DOCK6: variants seen among roughly 807,000 people sequenced by gnomAD.
DOCK6 encodes the protein dedicator of cytokinesis 6.
Under a neutral mutation model 230.3 loss-of-function variants are expected in DOCK6, and 167 were observed. The observed-to-expected ratio is 0.73, with a 90% CI of 0.64 to 0.82. DOCK6 has a LOEUF of 0.82. DOCK6 is among the 40% of genes least tolerant of loss of function. The pLI, the probability that DOCK6 is intolerant of heterozygous loss-of-function variation, is 0.00. For missense variants in DOCK6, 2,598 were observed against 2,825.8 expected (o/e 0.92, Z 1.83); for synonymous variants, 1,148 against 1,185.0 (o/e 0.97, Z 0.64).
In DOCK6 at chr19:11,204,200, C is replaced by CTGG; in HGVS notation, c.5217_5219dup (p.His1739dup). The CTGG allele has an allele frequency of 1.3e-6, 2 of 1,552,942 alleles. No individual in the cohort carries two copies. The highest frequency in any genetic ancestry group is 1.7e-6 in the Non-Finnish European group (2 of 1,147,174). On this transcript the variant is annotated inframe_insertion and splice_region_variant, in exon 40 of 48. Coordinates refer to ENST00000294618, the MANE Select transcript of DOCK6 (RefSeq NM_020812.4). ...TCTGGGGAGGGGGTCCTGGGCCCAC[C>CTGG]TGGTGCATGATCTTGGTGAAGGCCT...
chr19:11,217,651 G>A (rs369018331), intron 28 of DOCK6, among the ~76,000 whole-genome samples: 11 of 150,936 alleles, frequency 7.3e-5, no homozygotes, highest in Admixed American at 2.6e-4. Context: ...CCAGCTACTC[G>A]GGAGGCTGTG....
chr19:11,215,857 T>A lies in DOCK6; in HGVS notation c.3965A>T (p.Glu1322Val). ...KKSLDMKARL[E>V]EAILGTIGAR... The stretch of plus-strand genomic sequence containing the variant: ...TCCGATGGTACCCAGAATGGCTTCC[T>A]CTAGCCGCGCCTTCATATCCAGAGA... Residue 1322 changes from glutamate to valine, a missense_variant, in exon 31 of 48, where the codon GAG becomes GTG. Glu to Val is a moderately radical substitution (Grantham distance 121). Coordinates refer to ENST00000294618, the MANE Select transcript of DOCK6 (RefSeq NM_020812.4). 1 of 1,613,950 alleles carries A rather than the reference T, an allele frequency of 6.2e-7. No individual in the cohort carries two copies.
rs1013737666 is a variant in DOCK6, at chr19:11,227,426, G to C, written c.2866C>G (p.Arg956Gly). 1 of 1,612,386 alleles carries C rather than the reference G, an allele frequency of 6.2e-7. No homozygotes were observed. Among genetic ancestry groups the C allele is most frequent in the Non-Finnish European group, 8.5e-7 (1 of 1,179,334 alleles). ...LLLGQRLDTP[R>G]KLRFPGRFLD... The stretch of plus-strand genomic sequence containing the variant: ...AAGCGTCCGGGGAAGCGCAGCTTGC[G>C]GGGTGTGTCTAGTCGCTGGCCAAGC... The change falls in exon 24 of 48, where the codon CGC becomes GGC. Residue 956 changes from arginine to glycine, a missense_variant. Physicochemically the swap from Arg to Gly is moderately radical, Grantham distance 125. Coordinates refer to ENST00000294618, the MANE Select transcript of DOCK6 (RefSeq NM_020812.4).
At position 11,202,912 on chromosome 19, in the gene DOCK6, G is replaced by A. The variant is rs923063572; in HGVS notation, c.5236-203C>T. The stretch of plus-strand genomic sequence containing the variant: ...GACTGGGGCTGTATTGTTTACGGGT[G>A]TGTCCCTAATGCCCGTGGGACAGGG... On this transcript the variant is annotated intron_variant, in intron 41 of 47. Coordinates refer to ENST00000294618, the MANE Select transcript of DOCK6 (RefSeq NM_020812.4). This position sits in a 1 kb window ranked among gnomAD's most constrained non-coding sequence, Gnocchi z 5.3. Among the ~76,000 whole-genome samples the A allele has an allele frequency of 6.6e-6, 1 of 152,142 alleles. No homozygotes were observed. Among genetic ancestry groups the A allele is most frequent in the Non-Finnish European group, 1.5e-5 (1 of 68,018 alleles).
rs1600882689 is a variant in DOCK6 at position 11,218,873 on chromosome 19, ACTT to A, written c.3551-1485_3551-1483del. Among the ~76,000 whole-genome samples the A allele has an allele frequency of 1.1e-4, 13 of 114,898 alleles. No homozygotes were observed. The East Asian group carries it at 3.4e-3, about 30-fold the overall frequency. The allele number at this position is 114,898 out of a possible 152,430, so 75.4% of individuals were successfully genotyped here. On this transcript the variant is annotated intron_variant, in intron 28 of 47. Coordinates refer to ENST00000294618, the MANE Select transcript of DOCK6 (RefSeq NM_020812.4). ...AGGAGCTCAAGAAAAAAAAAAAATC[ACTT>A]TTTTTTTTTTTTTTTTTTTTGAGGC...
At chr19:11,209,981 C>A (rs2079345285) in intron 37 of DOCK6, among the ~76,000 whole-genome samples, 1 of 143,906 alleles carries the variant, frequency 6.9e-6, no homozygotes, top group African/African-American at 2.6e-5. Flanking sequence ...ACCTGTCCAC[C>A]CTCTCACCTG....
At chr19:11,230,959 T>C (rs10406522) in intron 22 of DOCK6, among the ~76,000 whole-genome samples, 44,548 of 152,052 alleles carry the variant, frequency 0.29, 8,146 homozygotes, top group African/African-American at 0.52. Context: ...GAGGGCTCTC[T>C]AGCTACCCCA....
At chr19:11,249,049 C>T (rs1402038678) in intron 6 of DOCK6, among the ~76,000 whole-genome samples, 1 of 151,970 alleles carries the variant, frequency 6.6e-6, no homozygotes, top group Non-Finnish European at 1.5e-5. Context: ...GGAGTATATA[C>T]TAGGTACCAA....
chr19:11,212,175 T>A, intron 35 of DOCK6, 24 bp from the exon 36 acceptor site: 1 of 1,595,510 alleles, frequency 6.3e-7, no homozygotes. Flanking sequence ...GGCGGGAGGG[T>A]GGAGCCGGGA....
Position 11,243,470 on chromosome 19 carries a change from C to A in DOCK6, c.1259-85G>T. On this transcript the variant is annotated intron_variant, in intron 11 of 47. Transcript: ENST00000294618. This position sits in a 1 kb window ranked among gnomAD's most constrained non-coding sequence, Gnocchi z 6.3. ...GCGGCACAGTTCGGCCAGCAGAGGGCGCACCCCCTCGCCCCGTAGCCCCGC... is the reference window on the plus strand; with the variant it reads ...GCGGCACAGTTCGGCCAGCAGAGGGAGCACCCCCTCGCCCCGTAGCCCCGC... The A allele has an allele frequency of 1.3e-6, 2 of 1,545,366 alleles. No individual in the cohort carries two copies. The highest frequency in any genetic ancestry group is 1.4e-5 in the African/African-American group (1 of 73,466).
chr19:11,246,638 C>T (rs890312197), intron 7 of DOCK6, among the ~76,000 whole-genome samples: 4 of 152,202 alleles, frequency 2.6e-5, no homozygotes, highest in African/African-American at 7.2e-5. Context: ...CCTGCAACCA[C>T]GGCCCTTGTT....
chr19:11,237,300 G>A (rs976932694), intron 18 of DOCK6, 156 bp downstream of exon 18: 4 of 735,482 alleles, frequency 5.4e-6, no homozygotes, highest in African/African-American at 5.2e-5. Context: ...GTAGGACACA[G>A]AGAGGCATTA....
chr19:11,218,830 T>C (rs889601457), intron 28 of DOCK6, among the ~76,000 whole-genome samples: 1 of 150,390 alleles, frequency 6.6e-6, no homozygotes, highest in Admixed American at 6.7e-5. Context: ...TTTAAAAATA[T>C]TCACTCTTTC....
rs747213823 is a variant in DOCK6, at chr19:11,200,394, G to A, written c.6015C>T (p.Arg2005=). 6.2e-7 allele frequency: 1 copy of A among 1,607,030 alleles called. No individual in the cohort carries two copies. The highest frequency in any genetic ancestry group is 8.5e-7 in the Non-Finnish European group (1 of 1,177,010). ...GAGCCTCCCGCAGGCGGCAGTAGTT[G>A]CGCTCCAGCTCACGGTGGTACTCCT... is the stretch of plus-strand genomic sequence containing the variant. The part of the protein sequence containing the change: ...DQKEYHRELE[R]NYCRLREALQ... The change falls in exon 47 of 48, where the codon CGC becomes CGT. Residue 2005 remains arginine, a synonymous_variant. Coordinates refer to ENST00000294618, the MANE Select transcript of DOCK6 (RefSeq NM_020812.4). This position sits in a 1 kb window ranked among gnomAD's most constrained non-coding sequence, Gnocchi z 4.3.
chr19:11,253,470 A>G (rs776021901), intron 2 of DOCK6, among the ~76,000 whole-genome samples, 169 bp downstream of exon 2: 5 of 152,028 alleles, frequency 3.3e-5, no homozygotes, highest in Non-Finnish European at 4.4e-5. Flanking sequence ...TGGTGAGACT[A>G]CTAGGACCAG....
At chr19:11,258,093 C>T (rs936214140) in intron 1 of DOCK6, among the ~76,000 whole-genome samples, 1 of 152,186 alleles carries the variant, frequency 6.6e-6, no homozygotes, top group African/African-American at 2.4e-5. Flanking sequence ...ATGACAGCTC[C>T]AAAGTGAAAC....
In DOCK6 at chr19:11,233,157, AC is replaced by A. The variant is rs752985065; in HGVS notation, c.2718+45del. ...AGATTCTTCGCCCACACACGTGGCA[AC>A]CACAACCACTGAGGCTGGAGATTCC... On this transcript the variant is annotated intron_variant, in intron 22 of 47. Transcript: ENST00000294618. 13 of 1,597,308 alleles carry A rather than the reference AC, an allele frequency of 8.1e-6. No homozygotes were observed. The African/African-American group carries it at 1.1e-4, about 13-fold the overall frequency.
rs1048393811 is a variant in DOCK6 at position 11,236,869 on chromosome 19, G to A, written c.2084C>T (p.Pro695Leu). 1.1e-5 allele frequency: 17 copies of A among 1,553,240 alleles called. No individual in the cohort carries two copies. The highest frequency in any genetic ancestry group is 3.9e-5 in the Admixed American group (2 of 51,196). Residue 695 changes from proline (P) to leucine (L), a missense_variant, in exon 19 of 48, where the codon CCG becomes CTG. Pro to Leu is a moderately conservative substitution (Grantham distance 98, BLOSUM62 -3). Transcript: ENST00000294618. The surrounding 1 kb of genome is among the most constrained non-coding windows in gnomAD (Gnocchi z 5.2). ...GTGACCGTCCACCCAGCGCATGCCC[G>A]GAAGCGCCACCTGTGGGAGGGAGGC... ...YSVLTPDVAL[P>L]GMRWVDGHKG...
intron 14 of DOCK6, 100 bp from the exon 15 acceptor site, chr19:11,238,404 TC>T: frequency 1.8e-6 from 2 of 1,111,950 alleles, no homozygotes; most frequent in South Asian, 1.4e-5. Flanking sequence ...GCACAGACAG[TC>T]CAGGAAGAGT....
Sources: gnomAD v4.1 joint callset for allele counts (sites outside exome capture counted in the v4.1 genomes callset) on GRCh38, gnomAD v4.1.1 for gene constraint, Gnocchi (gnomAD v3.1) non-coding constraint, MANE v1.5 for transcripts, NCBI Gene and HGNC (gene_info 2026-07-23, HGNC 2026-07-21) for gene names.